PELI2: variants seen among roughly 807,000 people sequenced by gnomAD.
PELI2 encodes the protein pellino E3 ubiquitin protein ligase family member 2.
Under a neutral mutation model 42.3 loss-of-function variants are expected in PELI2, and 23 were observed. The observed-to-expected ratio is 0.54, with a 90% confidence interval of 0.39 to 0.77. The LOEUF (loss-of-function observed/expected upper bound fraction) is 0.77. Ranked by LOEUF, PELI2 falls within the 30% of genes least tolerant of loss-of-function variation. The pLI is 0.00. For synonymous variants in PELI2, 245 were observed against 212.2 expected (o/e 1.15, Z -1.34); for missense variants, 463 against 553.2 (o/e 0.84, Z 1.64).
intron 2 of PELI2, among the ~76,000 whole-genome samples, chr14:56,229,160 TG>T (rs1887467945): frequency 6.6e-6 from 1 of 152,214 alleles, no homozygotes; most frequent in African/African-American, 2.4e-5. Context: ...ACTCCACCTG[TG>T]GGGGCAGGGA....
intron 2 of PELI2, among the ~76,000 whole-genome samples, chr14:56,185,239 T>G (rs531810366): frequency 2.6e-4 from 39 of 152,298 alleles, no homozygotes; most frequent in African/African-American, 8.2e-4. Context: ...TCAGTACTTT[T>G]CTGTAAAATT....
At chr14:56,254,521 C>G (rs1267089716) in intron 2 of PELI2, among the ~76,000 whole-genome samples, 1 of 151,254 alleles carries the variant, frequency 6.6e-6, no homozygotes, top group African/African-American at 2.4e-5. Flanking sequence ...AACATAAGAC[C>G]TAAAACCATA....
chr14:56,217,004 T>A (rs534076962), intron 2 of PELI2, among the ~76,000 whole-genome samples: 1 of 151,760 alleles, frequency 6.6e-6, no homozygotes, highest in African/African-American at 2.4e-5. Context: ...CTAGAAGTTA[T>A]TTTTTTTTAA....
At position 56,298,652 on chromosome 14, in the gene PELI2, C is replaced by CA. The variant is rs1290259259; in HGVS notation, c.*1489dup. The CA allele has an allele frequency of 6.6e-6, 1 of 152,478 alleles. No homozygotes were observed. The highest frequency in any genetic ancestry group is 1.5e-5 in the Non-Finnish European group (1 of 67,998). 9.4% of individuals were successfully genotyped at this position (152,478 alleles called of 1,614,324 possible). On this transcript the variant is annotated 3_prime_UTR_variant, in exon 6 of 6. Transcript: ENST00000267460. ...GGTTTTTTCGTATTTTGCCTACTGG[C>CA]AAATATTTTGCCTATTTTCAGTCGT...
At chr14:56,164,327 T>C (rs1478603987) in intron 1 of PELI2, among the ~76,000 whole-genome samples, 5 of 152,196 alleles carry the variant, frequency 3.3e-5, no homozygotes, top group Non-Finnish European at 7.4e-5. Context: ...ATTGTGTTGA[T>C]ACAGTGTATC....
chr14:56,258,317 A>G (rs1888592030), intron 2 of PELI2, among the ~76,000 whole-genome samples: 1 of 151,932 alleles, frequency 6.6e-6, no homozygotes, highest in South Asian at 2.1e-4. Flanking sequence ...AAAAAAATTA[A>G]TGGCCAGCAT....
chr14:56,158,338 T>C (rs542262739), intron 1 of PELI2, among the ~76,000 whole-genome samples: 3 of 151,478 alleles, frequency 2.0e-5, no homozygotes, highest in Non-Finnish European at 2.9e-5. Flanking sequence ...AAGATTCTTA[T>C]TTTAATTTAA....
intron 1 of PELI2, among the ~76,000 whole-genome samples, chr14:56,131,630 A>G (rs1379442386): frequency 6.6e-6 from 1 of 152,206 alleles, no homozygotes; most frequent in Non-Finnish European, 1.5e-5. Context: ...TTGTCTTATC[A>G]TGGTTGCCTG....
In PELI2 at chr14:56,160,223, G is replaced by A. The variant is rs184862003; in HGVS notation, c.78-18112G>A. The stretch of plus-strand genomic sequence containing the variant: ...GTCAGTCGAGGCCTCCTGTGAGCTA[G>A]TTAACTCTGCCCTTACCTCCCCACA... On this transcript the variant is annotated intron_variant, in intron 1 of 5. Coordinates refer to ENST00000267460, the MANE Select transcript of PELI2 (RefSeq NM_021255.3). Among the ~76,000 whole-genome samples the A allele has an allele frequency of 3.0e-3, 463 of 152,208 alleles. 2 individuals carry two copies. Among genetic ancestry groups the A allele is most frequent in the African/African-American group, 0.011 (447 of 41,524 alleles).
At chr14:56,188,577 T>C (rs896089057) in intron 2 of PELI2, among the ~76,000 whole-genome samples, 1 of 152,210 alleles carries the variant, frequency 6.6e-6, no homozygotes, top group African/African-American at 2.4e-5. Context: ...AACCCTTCTA[T>C]TGTCGTTTCT....
At chr14:56,204,520 G>A (rs1886446077) in intron 2 of PELI2, among the ~76,000 whole-genome samples, 1 of 152,130 alleles carries the variant, frequency 6.6e-6, no homozygotes, top group Non-Finnish European at 1.5e-5. Context: ...GATGACTGCG[G>A]TTTGCGGTAT....
At chr14:56,269,109 C>G (rs1161721927) in intron 2 of PELI2, among the ~76,000 whole-genome samples, 1 of 152,072 alleles carries the variant, frequency 6.6e-6, no homozygotes, top group Admixed American at 6.6e-5. Context: ...CACTTTGCCC[C>G]TGTTTTCCAA....
intron 1 of PELI2, among the ~76,000 whole-genome samples, chr14:56,128,659 C>T (rs1264035488): frequency 6.6e-6 from 1 of 151,984 alleles, no homozygotes; most frequent in Non-Finnish European, 1.5e-5. Flanking sequence ...AGGGGTATGG[C>T]TGGAGGCTGA....
rs1456022161 is a variant in PELI2 at position 56,298,374 on chromosome 14, C to A, written c.*1208C>A. 3 of 152,488 alleles carry A rather than the reference C, an allele frequency of 2.0e-5. No homozygotes were observed. The highest frequency in any genetic ancestry group is 7.2e-5 in the African/African-American group (3 of 41,556). 9.4% of individuals were successfully genotyped at this position (152,488 alleles called of 1,614,324 possible). Reference sequence around the variant, plus strand: ...ATTAAATGAGAATTTCATAGGAGCTCCACCATTCCTGTTACTTTCATTTCA... The same window carrying A: ...ATTAAATGAGAATTTCATAGGAGCTACACCATTCCTGTTACTTTCATTTCA... On this transcript the variant is annotated 3_prime_UTR_variant, in exon 6 of 6. Coordinates refer to ENST00000267460, the MANE Select transcript of PELI2 (RefSeq NM_021255.3).
Position 56,300,924 on chromosome 14 carries a change from A to G in PELI2, c.*3758A>G, listed in dbSNP as rs1165098765. 1 of 152,248 alleles carries G rather than the reference A, an allele frequency of 6.6e-6. No individual in the cohort carries two copies. Among genetic ancestry groups the G allele is most frequent in the Admixed American group, 6.5e-5 (1 of 15,288 alleles). 9.4% of individuals were successfully genotyped at this position (152,248 alleles called of 1,614,324 possible). ...AAAAAAGGTTCAGTATTTTCTTTTT[A>G]GTATAACTTACATCCTTTCAAATAA... On this transcript the variant is annotated 3_prime_UTR_variant, in exon 6 of 6. Coordinates refer to ENST00000267460, the MANE Select transcript of PELI2 (RefSeq NM_021255.3).
chr14:56,297,293 G>C lies in PELI2; in HGVS notation c.*127G>C. 1.5e-6 allele frequency: 1 copy of C among 653,398 alleles called. No homozygotes were observed. The highest frequency in any genetic ancestry group is 2.7e-6 in the Non-Finnish European group (1 of 376,780). The allele number at this position is 653,398 out of a possible 1,614,324, so 40.5% of individuals were successfully genotyped here. On this transcript the variant is annotated 3_prime_UTR_variant, in exon 6 of 6. Transcript: ENST00000267460. Reference sequence around the variant, plus strand: ...GTGACAGGGGCTGGAAATAAAGAGAGGGGACATGGTGATGAAACATGGCAG... The same window carrying C: ...GTGACAGGGGCTGGAAATAAAGAGACGGGACATGGTGATGAAACATGGCAG...
rs142799916 is a variant in PELI2 at position 56,293,303 on chromosome 14, A to T, written c.696+2847A>T. 2.7e-4 allele frequency among the ~76,000 whole-genome samples: 41 copies of T among 152,316 alleles called. No individual in the cohort carries two copies. In the East Asian group the frequency reaches 7.3e-3, roughly 27 times the overall value. On this transcript the variant is annotated intron_variant, in intron 5 of 5. Transcript: ENST00000267460. ...ATACTGTCAATTCCTGTGCCTGCTC[A>T]TAGCTTTTCTTTTGTGGTAGAATTT...
At chr14:56,264,973 A>G (rs1006254983) in intron 2 of PELI2, among the ~76,000 whole-genome samples, 2 of 152,176 alleles carry the variant, frequency 1.3e-5, no homozygotes, top group Non-Finnish European at 2.9e-5. Context: ...AGAAACTTAT[A>G]AAAACATTGC....
chr14:56,261,480 A>G (rs912844787), intron 2 of PELI2, among the ~76,000 whole-genome samples: 2 of 152,192 alleles, frequency 1.3e-5, no homozygotes, highest in African/African-American at 4.8e-5. Context: ...ATCGCTTTTC[A>G]AGGTGATTTC....
Sources: gnomAD v4.1 joint callset for allele counts (sites outside exome capture counted in the v4.1 genomes callset) on GRCh38, gnomAD v4.1.1 for gene constraint, MANE v1.5 for transcripts, NCBI Gene and HGNC (gene_info 2026-07-23, HGNC 2026-07-21) for gene names.